SHANK1: variants seen among roughly 807,000 people sequenced by gnomAD.
SHANK1 encodes SH3 and multiple ankyrin repeat domains 1, also known as SH3 and multiple ankyrin repeat domains protein 1.
In SHANK1, 35 loss-of-function variants were observed where a neutral mutation model predicts 165.6. The ratio of observed to expected loss-of-function variants is 0.21; its 90% CI spans 0.16 to 0.28. The LOEUF is 0.28. SHANK1 is among the 10% of genes least tolerant of loss of function. The pLI is 1.00. For synonymous variants in SHANK1, 1,428 were observed against 1,384.8 expected (o/e 1.03, Z -0.69); for missense variants, 2,681 against 3,036.4 (o/e 0.88, Z 2.75).
chr19:50,683,206 G>T (rs573245428), intron 21 of SHANK1, among the ~76,000 whole-genome samples: 1 of 152,190 alleles, frequency 6.6e-6, no homozygotes, highest in African/African-American at 2.4e-5. Context: ...CCCAGAGGAC[G>T]TTGGGCAGTA....
chr19:50,704,212 C>A (rs778826350), intron 9 of SHANK1, 26 bp from the exon 10 acceptor site: 1 of 1,611,024 alleles, frequency 6.2e-7, no homozygotes, highest in Non-Finnish European at 8.5e-7. Context: ...AGAGGCAGGT[C>A]GGCCAGGGGG....
chr19:50,707,624 G>C lies in SHANK1; in HGVS notation c.1078-3110C>G, dbSNP rs548352351. On this transcript the variant is annotated intron_variant, in intron 8 of 23. Transcript: ENST00000293441. ...TTGCCAGGCTGGAGTGCAGTGGCGTGATCTCGGCTCACTGCAGCCTCCACC... is the reference window on the plus strand; with the variant it reads ...TTGCCAGGCTGGAGTGCAGTGGCGTCATCTCGGCTCACTGCAGCCTCCACC... Among the ~76,000 whole-genome samples the C allele has an allele frequency of 1.5e-4, 22 of 150,744 alleles. No individual in the cohort carries two copies. The South Asian group carries it at 4.4e-3, about 30-fold the overall frequency.
At chr19:50,711,627 G>A (rs906764755) in intron 7 of SHANK1, 140 bp from the exon 8 acceptor site, 66 of 698,240 alleles carry the variant, frequency 9.5e-5, no homozygotes, top group African/African-American at 7.7e-4. Context: ...TTTTAGCCCC[G>A]CTTCCTGCTC....
At chr19:50,689,119 C>T (rs1428322639) in intron 16 of SHANK1, 78 bp downstream of exon 16, 1 of 1,295,896 alleles carries the variant, frequency 7.7e-7, no homozygotes, top group Non-Finnish European at 1.1e-6. Context: ...GGTCCCTTCC[C>T]CTTTCCAGCC....
intron 21 of SHANK1, among the ~76,000 whole-genome samples, chr19:50,676,138 AAT>A (rs1568431249): frequency 1.6e-5 from 2 of 127,152 alleles, no homozygotes; most frequent in Non-Finnish European, 3.7e-5. Context: ...TCTCACCCCC[AAT>A]TTTTTTTTTT....
chr19:50,665,137 G>A (rs1985425096), intron 23 of SHANK1, among the ~76,000 whole-genome samples: 2 of 152,180 alleles, frequency 1.3e-5, no homozygotes, highest in African/African-American at 4.8e-5. Flanking sequence ...GAAATAAATG[G>A]AAATTTAAAG....
In SHANK1 at chr19:50,667,634, A is replaced by G; in HGVS notation, c.4326T>C (p.Arg1442=). 7.1e-7 allele frequency: 1 copy of G among 1,412,524 alleles called. No individual in the cohort carries two copies. The highest frequency in any genetic ancestry group is 9.2e-7 in the Non-Finnish European group (1 of 1,092,708). 87.5% of individuals were successfully genotyped at this position (1,412,524 alleles called of 1,614,324 possible). A position where few individuals can be genotyped will look rare whatever the true frequency, so the allele number is the denominator to read the frequency against. ...SLPASPPAAR[R]SLLHRLPPTA... is the part of the protein sequence containing the mutation. The stretch of plus-strand genomic sequence containing the variant: ...TGGGCGGCAGGCGGTGTAGCAGGGA[A>G]CGCCGGGCGGCGGGCGGGCTGGCGG... The change falls in exon 23 of 24, where the codon CGT becomes CGC. Residue 1442 remains arginine (R), a synonymous_variant. Coordinates refer to ENST00000293441, the MANE Select transcript of SHANK1 (RefSeq NM_016148.5). The surrounding 1 kb of genome is among the most constrained non-coding windows in gnomAD (Gnocchi z 5.7).
intron 15 of SHANK1, 89 bp from the exon 16 acceptor site, chr19:50,689,368 C>G: frequency 1.1e-6 from 1 of 936,460 alleles, no homozygotes; most frequent in Non-Finnish European, 1.8e-6. Context: ...CCCGGCAACC[C>G]AGACCCAAAC....
rs1355856860 is a variant in SHANK1 at position 50,717,788 on chromosome 19, G to A, written c.-43-826C>T. Among the ~76,000 whole-genome samples, 1 of 152,014 alleles carries A rather than the reference G, an allele frequency of 6.6e-6. No homozygotes were observed. The highest frequency in any genetic ancestry group is 2.4e-5 in the African/African-American group (1 of 41,352). On this transcript the variant is annotated intron_variant, in intron 1 of 23. Coordinates refer to ENST00000293441, the MANE Select transcript of SHANK1 (RefSeq NM_016148.5). The surrounding 1 kb of genome is among the most constrained non-coding windows in gnomAD (Gnocchi z 5.5). ...TGACCTGTAGCTCTTTTCTAGGACT[G>A]CAGGGTGGGTGGGCTGGCTTGCTGG...
intron 18 of SHANK1, 46 bp from the exon 19 acceptor site, chr19:50,687,708 C>T (rs1357443769): frequency 1.4e-6 from 2 of 1,430,126 alleles, no homozygotes; most frequent in Non-Finnish European, 1.9e-6. Flanking sequence ...GGGGAGATGC[C>T]CCCACCACCC....
At chr19:50,715,522 G>T in intron 4 of SHANK1, 137 bp downstream of exon 4, 1 of 753,018 alleles carries the variant, frequency 1.3e-6, no homozygotes. Flanking sequence ...CAAGTTAAGC[G>T]GGGGCAGTGG....
chr19:50,689,249 C>T lies in SHANK1; in HGVS notation c.1995G>A (p.Leu665=). Residue 665 remains leucine (L), a synonymous_variant, in exon 16 of 24, where the codon TTG becomes TTA. Coordinates refer to ENST00000293441, the MANE Select transcript of SHANK1 (RefSeq NM_016148.5). Reference sequence around the variant, plus strand: ...ACCCCTCACTGTCCTTCTTCTGCAGCAAGACTGTCTTCTCCTTAATGATGT... The same window carrying T: ...ACCCCTCACTGTCCTTCTTCTGCAGTAAGACTGTCTTCTCCTTAATGATGT... The part of the protein sequence containing the change: ...SDYIIKEKTV[L]LQKKDSEGFG... 5.6e-6 allele frequency: 9 copies of T among 1,611,252 alleles called. No individual in the cohort carries two copies. Among genetic ancestry groups the T allele is most frequent in the Non-Finnish European group, 7.6e-6 (9 of 1,178,674 alleles).
At chr19:50,712,770 TG>T (rs1312479682) in intron 6 of SHANK1, among the ~76,000 whole-genome samples, 2 of 152,190 alleles carry the variant, frequency 1.3e-5, no homozygotes, top group Non-Finnish European at 2.9e-5. Flanking sequence ...ATCATGGGGA[TG>T]GTCTGCAACT....
Position 50,669,299 on chromosome 19 carries a change from G to A in SHANK1, c.2675-14C>T, listed in dbSNP as rs1985704772. The A allele has an allele frequency of 1.3e-6, 2 of 1,581,640 alleles. No individual in the cohort carries two copies. The highest frequency in any genetic ancestry group is 1.7e-6 in the Non-Finnish European group (2 of 1,156,308). ...CTTCTGCCGCACCTGGGGAGATACA[G>A]AGGCTCAAGGAGGGGGACCCTGGCG... On this transcript the variant is annotated splice_polypyrimidine_tract_variant and intron_variant, in intron 22 of 23. Coordinates refer to ENST00000293441, the MANE Select transcript of SHANK1 (RefSeq NM_016148.5).
Position 50,697,333 on chromosome 19 carries a change from C to A in SHANK1, c.1938-211G>T, listed in dbSNP as rs888945281. ...AGACATAAGAGCGCCCCGGCCCCCC[C>A]AGGCATCCCCACCCTGCCCTGACCA... On this transcript the variant is annotated intron_variant, in intron 14 of 23. Coordinates refer to ENST00000293441, the MANE Select transcript of SHANK1 (RefSeq NM_016148.5). The surrounding 1 kb of genome is among the most constrained non-coding windows in gnomAD (Gnocchi z 4.7). 6.6e-6 allele frequency among the ~76,000 whole-genome samples: 1 copy of A among 152,176 alleles called. No individual in the cohort carries two copies. Among genetic ancestry groups the A allele is most frequent in the Non-Finnish European group, 1.5e-5 (1 of 68,032 alleles).
intron 21 of SHANK1, among the ~76,000 whole-genome samples, chr19:50,672,673 G>A (rs566240297): frequency 3.3e-5 from 5 of 151,124 alleles, no homozygotes; most frequent in East Asian, 1.9e-4. Flanking sequence ...ATTTTCCATC[G>A]ACTCTTGATC....
At chr19:50,692,479 A>C (rs971096419) in intron 15 of SHANK1, among the ~76,000 whole-genome samples, 3 of 150,050 alleles carry the variant, frequency 2.0e-5, no homozygotes, top group Non-Finnish European at 4.4e-5. Context: ...ATATACACAC[A>C]CACACCAGTG....
At chr19:50,684,229 G>GT (rs199744718) in intron 21 of SHANK1, among the ~76,000 whole-genome samples, 218 of 146,914 alleles carry the variant, frequency 1.5e-3, no homozygotes, top group East Asian at 1.6e-3. Flanking sequence ...AAGGAAGAAG[G>GT]TTTTTTTTTT....
chr19:50,688,401 CT>C lies in SHANK1; in HGVS notation c.2173-344del, dbSNP rs1986429460. Among the ~76,000 whole-genome samples, 1 of 152,174 alleles carries C rather than the reference CT, an allele frequency of 6.6e-6. No homozygotes were observed. The highest frequency in any genetic ancestry group is 1.5e-5 in the Non-Finnish European group (1 of 68,030). On this transcript the variant is annotated intron_variant, in intron 17 of 23. Coordinates refer to ENST00000293441, the MANE Select transcript of SHANK1 (RefSeq NM_016148.5). The surrounding 1 kb of genome is among the most constrained non-coding windows in gnomAD (Gnocchi z 6.7). ...TGGCCCAATCATGGCTCACTGCACC[CT>C]CGACTTCCTGGGCTCAAGCAATTCT...
Sources: gnomAD v4.1 joint callset for allele counts (sites outside exome capture counted in the v4.1 genomes callset) on GRCh38, gnomAD v4.1.1 for gene constraint, Gnocchi (gnomAD v3.1) non-coding constraint, MANE v1.5 for transcripts, NCBI Gene and HGNC (gene_info 2026-07-23, HGNC 2026-07-21) for gene names.